The following MAN1A1 variants were observed in gnomAD, a reference collection of about 807,000 sequenced individuals.
MAN1A1 encodes the protein mannosidase alpha class 1A member 1, also known as mannosyl-oligosaccharide 1,2-alpha-mannosidase IA.
In MAN1A1, 29 loss-of-function variants were observed where a neutral mutation model predicts 70.8. The ratio of observed to expected loss-of-function variants is 0.41; its 90% confidence interval spans 0.31 to 0.56. The LOEUF (loss-of-function observed/expected upper bound fraction) is 0.56. MAN1A1 is among the 20% of genes least tolerant of loss of function. The pLI, the probability that MAN1A1 is intolerant of heterozygous loss-of-function variation, is 0.29. For missense variants in MAN1A1, 747 were observed against 841.3 expected (o/e 0.89, Z 1.39); for synonymous variants, 349 against 330.1 (o/e 1.06, Z -0.62).
intron 6 of MAN1A1, among the ~76,000 whole-genome samples, chr6:119,217,707 G>A (rs1348138069): frequency 6.6e-6 from 1 of 152,162 alleles, no homozygotes; most frequent in Non-Finnish European, 1.5e-5. Context: ...TGTAATGAGT[G>A]AAATAATGTA....
chr6:119,331,267 T>A (rs1267839516), intron 2 of MAN1A1, among the ~76,000 whole-genome samples: 1 of 152,098 alleles, frequency 6.6e-6, no homozygotes, highest in Non-Finnish European at 1.5e-5. Flanking sequence ...AGAATTCTTT[T>A]TGGTGATATA....
At chr6:119,210,162 G>A (rs1010516242) in intron 6 of MAN1A1, among the ~76,000 whole-genome samples, 31 of 152,132 alleles carry the variant, frequency 2.0e-4, no homozygotes, top group African/African-American at 7.5e-4. Context: ...GACAAAGATG[G>A]CGAGAGGCAC....
chr6:119,300,458 G>A (rs1639180592), intron 4 of MAN1A1, among the ~76,000 whole-genome samples: 1 of 151,984 alleles, frequency 6.6e-6, no homozygotes, highest in South Asian at 2.1e-4. Flanking sequence ...GTTTCACCAT[G>A]TTGGCCAGGC....
chr6:119,220,351 A>G (rs544842205), intron 6 of MAN1A1, among the ~76,000 whole-genome samples: 2 of 152,316 alleles, frequency 1.3e-5, no homozygotes, highest in African/African-American at 4.8e-5. Context: ...GTTTAAAGAT[A>G]CATTGATTAA....
intron 2 of MAN1A1, among the ~76,000 whole-genome samples, chr6:119,317,785 T>C (rs997494547): frequency 1.3e-5 from 2 of 152,144 alleles, no homozygotes; most frequent in African/African-American, 4.8e-5. Flanking sequence ...TAAAGGATTA[T>C]GAATTGTAAT....
Position 119,282,831 on chromosome 6 carries a change from T to C in MAN1A1, c.897+7852A>G, listed in dbSNP as rs114880642. ...ATTAAAATTGTTCCTTTCTAGGAAA[T>C]TGGCATAAATGTGTCATTAAGTTTT... On this transcript the variant is annotated intron_variant, in intron 5 of 12. Transcript: ENST00000368468. Among the ~76,000 whole-genome samples, 1,419 of 152,294 alleles carry C rather than the reference T, an allele frequency of 9.3e-3. 17 individuals are homozygous for C. Among genetic ancestry groups the C allele is most frequent in the African/African-American group, 0.032 (1,319 of 41,572 alleles).
intron 6 of MAN1A1, among the ~76,000 whole-genome samples, chr6:119,216,266 A>T (rs1458028829): frequency 1.3e-5 from 2 of 152,238 alleles, no homozygotes; most frequent in Non-Finnish European, 2.9e-5. Context: ...TGGGAAGAAT[A>T]GGTTACATAA....
At chr6:119,210,938 A>C (rs1774034321) in intron 6 of MAN1A1, 1 of 455,796 alleles carries the variant, frequency 2.2e-6, no homozygotes, top group South Asian at 1.6e-5. Context: ...CACCTGTTGT[A>C]AATCATCATA....
chr6:119,182,412 C>CA (rs1773175341), intron 11 of MAN1A1, among the ~76,000 whole-genome samples: 1 of 151,888 alleles, frequency 6.6e-6, no homozygotes, highest in South Asian at 2.1e-4. Flanking sequence ...GGGTCGAATC[C>CA]AAAAAATCAT....
intron 5 of MAN1A1, among the ~76,000 whole-genome samples, chr6:119,255,327 G>A (rs1286594355): frequency 1.3e-5 from 2 of 152,170 alleles, no homozygotes; most frequent in Non-Finnish European, 2.9e-5. Flanking sequence ...TACAAGTACA[G>A]TTTACCTATT....
At chr6:119,191,150 A>G (rs1039823045) in intron 9 of MAN1A1, among the ~76,000 whole-genome samples, 5 of 152,224 alleles carry the variant, frequency 3.3e-5, no homozygotes, top group African/African-American at 9.6e-5. Context: ...GGTTAAGCTA[A>G]TGTTATTGAT....
intron 5 of MAN1A1, among the ~76,000 whole-genome samples, chr6:119,250,640 TTCTCTC>T (rs200102344): frequency 9.5e-6 from 1 of 105,164 alleles, no homozygotes; most frequent in Non-Finnish European, 2.0e-5. Context: ...CTCTCTCTTG[TTCTCTC>T]TCTGTGTGTG....
At chr6:119,225,635 TA>T (rs1303912639) in intron 6 of MAN1A1, among the ~76,000 whole-genome samples, 4 of 152,114 alleles carry the variant, frequency 2.6e-5, no homozygotes, top group African/African-American at 9.7e-5. Flanking sequence ...ATCTTGAAAG[TA>T]CCCAGAAAAT....
intron 7 of MAN1A1, among the ~76,000 whole-genome samples, chr6:119,203,216 C>T (rs1371262491): frequency 4.6e-5 from 7 of 152,220 alleles, no homozygotes; most frequent in Admixed American, 3.3e-4. Context: ...TGAGAGTTAA[C>T]GGGACAGGGT....
At chr6:119,287,870 C>T (rs1776420361) in intron 5 of MAN1A1, among the ~76,000 whole-genome samples, 1 of 151,894 alleles carries the variant, frequency 6.6e-6, no homozygotes, top group Non-Finnish European at 1.5e-5. Flanking sequence ...ACTGATTCTT[C>T]CTATTTAATA....
chr6:119,323,777 A>G (rs1773080439), intron 2 of MAN1A1, among the ~76,000 whole-genome samples: 2 of 152,258 alleles, frequency 1.3e-5, no homozygotes, highest in Admixed American at 1.3e-4. Context: ...GTATGGACAA[A>G]TCAAATAGCT....
intron 3 of MAN1A1, among the ~76,000 whole-genome samples, chr6:119,305,563 T>A (rs1412168024): frequency 1.3e-5 from 2 of 152,104 alleles, no homozygotes; most frequent in Non-Finnish European, 2.9e-5. Context: ...GTGCTCTTCA[T>A]CTCAAAACTG....
rs990518736 is a variant in MAN1A1, at chr6:119,349,144, G to C, written c.-79C>G. ...CGCCGCTGGGAGTCCGCGGCTGCGG[G>C]GCTGGGTCCTGCGTAGCCAGGCCGC... On this transcript the variant is annotated 5_prime_UTR_variant, in exon 2 of 13. Coordinates refer to ENST00000368468, the MANE Select transcript of MAN1A1 (RefSeq NM_005907.4). The C allele has an allele frequency of 2.4e-6, 3 of 1,252,748 alleles. No individual in the cohort carries two copies. The African/African-American group carries it at 4.7e-5, about 20-fold the overall frequency. 77.6% of individuals were successfully genotyped at this position (1,252,748 alleles called of 1,614,324 possible).
chr6:119,291,223 A>G (rs1328475753), intron 4 of MAN1A1, among the ~76,000 whole-genome samples: 1 of 151,908 alleles, frequency 6.6e-6, no homozygotes, highest in Non-Finnish European at 1.5e-5. Flanking sequence ...TCCCTGCACA[A>G]GCTCTTTCTC....
Sources: allele counts gnomAD v4.1 joint callset (sites outside exome capture counted in the v4.1 genomes callset), GRCh38; gene constraint gnomAD v4.1.1; transcripts MANE v1.5; gene names NCBI Gene and HGNC (gene_info 2026-07-23, HGNC 2026-07-21).